The following BMPER variants were observed in gnomAD, a reference collection of about 807,000 sequenced individuals.
BMPER encodes the protein BMP binding endothelial regulator, also known as BMP-binding endothelial regulator protein.
In BMPER, 45 loss-of-function variants were observed where a neutral mutation model predicts 87.3. That is an observed-to-expected ratio of 0.52 (90% confidence interval 0.41 to 0.66). BMPER has a LOEUF of 0.66. BMPER is among the 30% of genes least tolerant of loss of function. The pLI, the probability that BMPER is intolerant of heterozygous loss-of-function variation, is 0.00. For missense variants in BMPER, 784 were observed against 867.5 expected (o/e 0.90, Z 1.21); for synonymous variants, 326 against 316.2 (o/e 1.03, Z -0.33).
At chr7:34,129,622 G>GAAAGAA (rs1790512640) in intron 13 of BMPER, among the ~76,000 whole-genome samples, 6 of 67,154 alleles carry the variant, frequency 8.9e-5, no homozygotes, top group East Asian at 4.7e-4. Context: ...GAGAGAGAGA[G>GAAAGAA]AGAAAGAGAG....
chr7:34,148,087 T>G (rs1355089246), intron 14 of BMPER, among the ~76,000 whole-genome samples: 3 of 152,146 alleles, frequency 2.0e-5, no homozygotes. Context: ...TCCTACCAAC[T>G]GCCCTCCTCA....
rs140210764 is a variant in BMPER at position 34,075,396 on chromosome 7, A to T, written c.1079-3461A>T. Among the ~76,000 whole-genome samples the T allele has an allele frequency of 1.2e-4, 18 of 152,334 alleles. No individual in the cohort carries two copies. The East Asian group carries it at 2.9e-3, about 25-fold the overall frequency. On this transcript the variant is annotated intron_variant, in intron 11 of 14. Coordinates refer to ENST00000649409, the MANE Select transcript of BMPER (RefSeq NM_001365308.1). Reference sequence around the variant, plus strand: ...GAAAAGAAATGTAACACATAATTCTATTACCTTAGAGAAAAAACACTCACT... The same window carrying T: ...GAAAAGAAATGTAACACATAATTCTTTTACCTTAGAGAAAAAACACTCACT...
At chr7:34,047,330 G>C (rs933882776) in intron 7 of BMPER, among the ~76,000 whole-genome samples, 1 of 151,890 alleles carries the variant, frequency 6.6e-6, no homozygotes. Context: ...GCCAGGCTGG[G>C]TACAGTGGTG....
intron 11 of BMPER, among the ~76,000 whole-genome samples, chr7:34,068,911 T>A (rs979646602): frequency 6.6e-6 from 1 of 152,236 alleles, no homozygotes; most frequent in African/African-American, 2.4e-5. Context: ...AGGACTTGCA[T>A]ATTTTTAAAA....
chr7:33,979,217 C>T (rs1041115107), intron 6 of BMPER, among the ~76,000 whole-genome samples: 27 of 151,924 alleles, frequency 1.8e-4, no homozygotes, highest in African/African-American at 6.0e-4. Context: ...AAACCTTTAG[C>T]TTTTTCCCAA....
At chr7:33,911,471 C>T (rs940862538) in intron 2 of BMPER, among the ~76,000 whole-genome samples, 2 of 152,320 alleles carry the variant, frequency 1.3e-5, no homozygotes, top group Non-Finnish European at 1.5e-5. Context: ...GTCCTTTCAA[C>T]CTGCACAGAG....
At chr7:33,955,464 G>A (rs1785127543) in intron 3 of BMPER, among the ~76,000 whole-genome samples, 1 of 152,152 alleles carries the variant, frequency 6.6e-6, no homozygotes, top group South Asian at 2.1e-4. Flanking sequence ...AAAAGAGGTG[G>A]CAGATAGGAA....
intron 6 of BMPER, among the ~76,000 whole-genome samples, chr7:34,037,109 G>A (rs894836321): frequency 6.6e-6 from 1 of 152,062 alleles, no homozygotes; most frequent in Non-Finnish European, 1.5e-5. Context: ...GCTGAGGCAC[G>A]AAGATTGCTT....
chr7:33,977,277 TAA>T (rs368249301), intron 6 of BMPER, among the ~76,000 whole-genome samples: 1 of 147,282 alleles, frequency 6.8e-6, no homozygotes. Flanking sequence ...TGGAGTACAC[TAA>T]AAAAAAAAAG....
chr7:34,026,839 G>A (rs79126014), intron 6 of BMPER, among the ~76,000 whole-genome samples: 75 of 152,106 alleles, frequency 4.9e-4, no homozygotes, highest in African/African-American at 1.7e-3. Context: ...TGAAAATATG[G>A]GTGTAAATGA....
chr7:34,039,071 A>G (rs1189154469), intron 6 of BMPER, among the ~76,000 whole-genome samples: 1 of 152,234 alleles, frequency 6.6e-6, no homozygotes, highest in Non-Finnish European at 1.5e-5. Flanking sequence ...TCCAGCCACC[A>G]GGGAAGTGAA....
intron 6 of BMPER, among the ~76,000 whole-genome samples, chr7:34,008,889 TGCA>T (rs1251778254): frequency 6.6e-6 from 1 of 152,044 alleles, no homozygotes; most frequent in Non-Finnish European, 1.5e-5. Context: ...TTGCTGAGGC[TGCA>T]GCACAGTAGT....
intron 13 of BMPER, among the ~76,000 whole-genome samples, chr7:34,095,803 C>T (rs999196834): frequency 2.0e-5 from 3 of 152,140 alleles, no homozygotes; most frequent in African/African-American, 7.2e-5. Flanking sequence ...TCTTTCCTCT[C>T]ATTCACATTG....
intron 3 of BMPER, among the ~76,000 whole-genome samples, chr7:33,949,771 G>T (rs775193105): frequency 1.5e-4 from 23 of 151,734 alleles, no homozygotes; most frequent in Non-Finnish European, 2.6e-4. Flanking sequence ...CGTTTTTCAA[G>T]ACAAGAAAAA....
intron 3 of BMPER, among the ~76,000 whole-genome samples, chr7:33,957,481 G>A (rs1367856470): frequency 1.3e-5 from 2 of 151,734 alleles, no homozygotes; most frequent in Admixed American, 6.6e-5. Context: ...TGCTATAAAC[G>A]AATAGCCTGA....
rs1440536998 is a variant in BMPER at position 34,024,442 on chromosome 7, AG to A, written c.577-21860del. Among the ~76,000 whole-genome samples the A allele has an allele frequency of 1.2e-4, 8 of 65,396 alleles. No individual in the cohort carries two copies. The East Asian group carries it at 3.8e-3, about 31-fold the overall frequency. 42.9% of individuals were successfully genotyped at this position (65,396 alleles called of 152,430 possible). A position where few individuals can be genotyped will look rare whatever the true frequency, so the allele number is the denominator to read the frequency against. ...ATATATATATATATATATGTTGGGG[AG>A]GGGTATGGTAAAAAAAAAAATCAAA... On this transcript the variant is annotated intron_variant, in intron 6 of 14. Coordinates refer to ENST00000649409, the MANE Select transcript of BMPER (RefSeq NM_001365308.1).
intron 13 of BMPER, among the ~76,000 whole-genome samples, chr7:34,094,760 T>C (rs1401156492): frequency 6.6e-6 from 1 of 152,148 alleles, no homozygotes; most frequent in Non-Finnish European, 1.5e-5. Context: ...AGGGTTTGTG[T>C]GAGGGTTGCA....
intron 3 of BMPER, among the ~76,000 whole-genome samples, chr7:33,951,372 A>T (rs1043705532): frequency 9.9e-5 from 15 of 151,762 alleles, no homozygotes; most frequent in Non-Finnish European, 2.1e-4. Flanking sequence ...TGTTTCTCTC[A>T]ATGTTTTATG....
intron 3 of BMPER, among the ~76,000 whole-genome samples, chr7:33,941,387 C>T (rs1385894600): frequency 6.6e-6 from 1 of 151,268 alleles, no homozygotes; most frequent in African/African-American, 2.4e-5. Flanking sequence ...TTTTTCTTTC[C>T]ATGGACAGGG....
Sources: allele counts gnomAD v4.1 joint callset (sites outside exome capture counted in the v4.1 genomes callset), GRCh38; gene constraint gnomAD v4.1.1; transcripts MANE v1.5; gene names NCBI Gene and HGNC (gene_info 2026-07-23, HGNC 2026-07-21).